SMYD4: variants seen among roughly 807,000 people sequenced by gnomAD.
The protein encoded by SMYD4 is protein-lysine N-methyltransferase SMYD4.
Under a neutral mutation model 72.8 loss-of-function variants are expected in SMYD4, and 68 were observed. The ratio of observed to expected loss-of-function variants is 0.93; its 90% confidence interval spans 0.77 to 1.14. The LOEUF (loss-of-function observed/expected upper bound fraction) is 1.14, where lower values mean the gene tolerates loss of function less well. Ranked by LOEUF, SMYD4 falls within the 50% of genes most tolerant of loss-of-function variation. The pLI is 0.00. For missense variants in SMYD4, 984 were observed against 1,003.7 expected (o/e 0.98, Z 0.27); for synonymous variants, 407 against 388.6 (o/e 1.05, Z -0.56).
intron 5 of SMYD4, among the ~76,000 whole-genome samples, chr17:1,794,057 GTA>G (rs752397865): frequency 6.4e-5 from 3 of 46,796 alleles, no homozygotes; most frequent in African/African-American, 1.3e-4. Context: ...ATATATGTGT[GTA>G]TATATATGTG....
At chr17:1,787,853 C>T (rs981045614) in intron 5 of SMYD4, among the ~76,000 whole-genome samples, 2 of 151,902 alleles carry the variant, frequency 1.3e-5, no homozygotes, top group African/African-American at 2.4e-5. Flanking sequence ...CTCTACACCA[C>T]GAAATAGCCA....
intron 2 of SMYD4, among the ~76,000 whole-genome samples, chr17:1,825,754 T>G (rs913504637): frequency 1.4e-4 from 21 of 151,736 alleles, no homozygotes; most frequent in African/African-American, 5.1e-4. Flanking sequence ...CCTCTCACCT[T>G]TGGCTCCCAA....
At chr17:1,829,645 G>C (rs1911421172) in intron 1 of SMYD4, 81 bp downstream of exon 1, 1 of 151,688 alleles carries the variant, frequency 6.6e-6, no homozygotes, top group Non-Finnish European at 1.5e-5. Flanking sequence ...CCGCGTTGCT[G>C]GACGAATCGG....
chr17:1,795,438 T>G (rs1043882595), intron 5 of SMYD4, among the ~76,000 whole-genome samples: 7 of 117,016 alleles, frequency 6.0e-5, no homozygotes, highest in Admixed American at 1.6e-4. Flanking sequence ...TATCTATCTA[T>G]CTATCTAATC....
At position 1,800,601 on chromosome 17, in the gene SMYD4, A is replaced by C. The variant is rs1201745676; in HGVS notation, c.793T>G (p.Phe265Val). 8 of 1,613,942 alleles carry C rather than the reference A, an allele frequency of 5.0e-6. No homozygotes were observed. The highest frequency in any genetic ancestry group is 6.8e-6 in the Non-Finnish European group (8 of 1,179,964). Residue 265 changes from phenylalanine to valine, a missense_variant, in exon 5 of 11, where the codon TTT (phenylalanine) becomes GTT (valine). Transcript: ENST00000305513. ...PGELLVQEDA[F>V]VSVLNPGELP... is the part of the protein sequence containing the mutation. ...TCTCCTGGGTTGAGAACACTCACAA[A>C]AGCATCCTCCTGCACCAGGAGCTCT... is the stretch of plus-strand genomic sequence containing the variant.
At chr17:1,826,365 G>A (rs539702486) in intron 2 of SMYD4, among the ~76,000 whole-genome samples, 96 of 152,098 alleles carry the variant, frequency 6.3e-4, no homozygotes, top group Middle Eastern at 3.4e-3. Context: ...GGTGGAATGC[G>A]CCTGCAATCC....
intron 10 of SMYD4, chr17:1,781,640 G>A (rs557027544): frequency 4.7e-6 from 2 of 429,766 alleles, no homozygotes; most frequent in South Asian, 5.7e-5. Context: ...TAGTATAGAC[G>A]CCAGGATCCT....
At chr17:1,791,224 T>C (rs886280648) in intron 5 of SMYD4, among the ~76,000 whole-genome samples, 3 of 151,654 alleles carry the variant, frequency 2.0e-5, no homozygotes, top group Non-Finnish European at 4.4e-5. Flanking sequence ...AATAAAATCT[T>C]GTTATGACAG....
rs1484405565 is a variant in SMYD4, at chr17:1,787,627, G to A, written c.1538-23C>T. 8 of 1,548,398 alleles carry A rather than the reference G, an allele frequency of 5.2e-6. No homozygotes were observed. In the Admixed American group the frequency reaches 6.0e-5, roughly 12 times the overall value. On this transcript the variant is annotated intron_variant, in intron 5 of 10. Transcript: ENST00000305513. ...GTCCTGAAAGGGCAAGAGGAAAGAAGGAAAAAGGTGTCAGCACATGAGCCC... is the reference window on the plus strand; with the variant it reads ...GTCCTGAAAGGGCAAGAGGAAAGAAAGAAAAAGGTGTCAGCACATGAGCCC...
Position 1,800,374 on chromosome 17 carries a change from C to A in SMYD4, c.1020G>T (p.Leu340=), listed in dbSNP as rs1445437714. 1 of 1,614,102 alleles carries A rather than the reference C, an allele frequency of 6.2e-7. No homozygotes were observed. Among genetic ancestry groups the A allele is most frequent in the Non-Finnish European group, 8.5e-7 (1 of 1,180,054 alleles). ...YHRTECPLGG[L]LLTLGVFCHI... ...GGCAAAAGACACCCAGTGTGAGAAG[C>A]AGCCCTCCCAGAGGACATTCTGTCC... The change falls in exon 5 of 11, where the codon CTG becomes CTT. Residue 340 remains leucine (L), a synonymous_variant. Coordinates refer to ENST00000305513, the MANE Select transcript of SMYD4 (RefSeq NM_052928.3).
At chr17:1,804,440 G>C (rs1909930731) in intron 4 of SMYD4, 186 bp downstream of exon 4, 1 of 495,904 alleles carries the variant, frequency 2.0e-6, no homozygotes, top group African/African-American at 1.9e-5. Flanking sequence ...ACCTCCCAAA[G>C]TGCTGAGATT....
At position 1,783,414 on chromosome 17, in the gene SMYD4, G is replaced by A; in HGVS notation, c.2083C>T (p.His695Tyr). ...TCCGCGATCTCTCCCACCACGGCGTGCTCTGCCCACAGGAAGCTCTCGGCG... is the reference window on the plus strand; with the variant it reads ...TCCGCGATCTCTCCCACCACGGCGTACTCTGCCCACAGGAAGCTCTCGGCG... ...RDAESFLWAEHAVVGEIADGL... is the reference protein window; with the variant it reads ...RDAESFLWAEYAVVGEIADGL... The change falls in exon 9 of 11, where the codon CAC (histidine) becomes TAC (tyrosine). Residue 695 changes from histidine to tyrosine, a missense_variant. Physicochemically the swap from His to Tyr is moderately conservative, Grantham distance 83 (BLOSUM62 2). Coordinates refer to ENST00000305513, the MANE Select transcript of SMYD4 (RefSeq NM_052928.3). 1 of 1,612,922 alleles carries A rather than the reference G, an allele frequency of 6.2e-7. No individual in the cohort carries two copies. The highest frequency in any genetic ancestry group is 8.5e-7 in the Non-Finnish European group (1 of 1,180,024).
rs1911447098 is a variant in SMYD4, at chr17:1,829,882, G to C, written c.-169C>G. On this transcript the variant is annotated 5_prime_UTR_variant, in exon 1 of 11. Coordinates refer to ENST00000305513, the MANE Select transcript of SMYD4 (RefSeq NM_052928.3). ...CACCGCGTCCGGCGTCCCGCGCCAG[G>C]CCTCGCTTGGGACCATGGGTGGGTC... The C allele has an allele frequency of 2.5e-6, 1 of 400,968 alleles. No homozygotes were observed. The highest frequency in any genetic ancestry group is 2.1e-5 in the African/African-American group (1 of 47,724). The allele number at this position is 400,968 out of a possible 1,614,324, so 24.8% of individuals were successfully genotyped here.
chr17:1,802,964 C>G (rs1315246895), intron 4 of SMYD4, among the ~76,000 whole-genome samples: 1 of 152,132 alleles, frequency 6.6e-6, no homozygotes, highest in East Asian at 1.9e-4. Flanking sequence ...CCAGCCTGAC[C>G]AACATGGTGA....
In SMYD4 at chr17:1,786,799, G is replaced by C. The variant is rs765875245; in HGVS notation, c.1884+11C>G. 3 of 1,613,902 alleles carry C rather than the reference G, an allele frequency of 1.9e-6. No homozygotes were observed. In the South Asian group the frequency reaches 3.3e-5, roughly 18 times the overall value. Reference sequence around the variant, plus strand: ...TCCAGGAAAAGTGGAGGAGACAGAAGAGAGAATTACCTGCATGGGCGCTCC... The same window carrying C: ...TCCAGGAAAAGTGGAGGAGACAGAACAGAGAATTACCTGCATGGGCGCTCC... On this transcript the variant is annotated intron_variant, in intron 7 of 10. Transcript: ENST00000305513.
At chr17:1,806,121 T>A (rs1257929053) in intron 3 of SMYD4, among the ~76,000 whole-genome samples, 1 of 151,866 alleles carries the variant, frequency 6.6e-6, no homozygotes, top group East Asian at 2.0e-4. Context: ...GAGATGGGGT[T>A]TCACCGTGTT....
At chr17:1,797,644 T>C (rs1909475504) in intron 5 of SMYD4, among the ~76,000 whole-genome samples, 1 of 152,148 alleles carries the variant, frequency 6.6e-6, no homozygotes, top group Non-Finnish European at 1.5e-5. Flanking sequence ...GGCTGGAAAT[T>C]TAGAAGAATG....
intron 5 of SMYD4, among the ~76,000 whole-genome samples, chr17:1,794,227 A>G (rs1597374519): frequency 1.5e-5 from 2 of 133,590 alleles, no homozygotes; most frequent in East Asian, 2.2e-4. Flanking sequence ...CTCCTGCCTC[A>G]GCCTCCCAAG....
At chr17:1,793,983 G>A (rs866500815) in intron 5 of SMYD4, among the ~76,000 whole-genome samples, 11 of 100,544 alleles carry the variant, frequency 1.1e-4, no homozygotes, top group East Asian at 8.4e-4. Flanking sequence ...ACCACGCTTG[G>A]CTAATTTTTG....
Sources: gnomAD v4.1 joint callset for allele counts (sites outside exome capture counted in the v4.1 genomes callset) on GRCh38, gnomAD v4.1.1 for gene constraint, MANE v1.5 for transcripts, NCBI Gene and HGNC (gene_info 2026-07-23, HGNC 2026-07-21) for gene names.